ADGRL3: variants seen among roughly 807,000 people sequenced by gnomAD.
ADGRL3 encodes calcium-independent alpha-latrotoxin receptor 3.
ADGRL3 carries 62 observed loss-of-function variants against 153.5 expected under a neutral mutation model. That is an observed-to-expected ratio of 0.40 (90% CI 0.33 to 0.50). The LOEUF (loss-of-function observed/expected upper bound fraction) is 0.50, where lower values mean the gene tolerates loss of function less well. ADGRL3 is among the 20% of genes least tolerant of loss of function. The pLI is 0.47. For synonymous variants in ADGRL3, 710 were observed against 672.5 expected, an observed-to-expected ratio of 1.06 and a Z score of -0.86; for missense variants, 1,641 against 1,859.4, an observed-to-expected ratio of 0.88 and a Z score of 2.16.
chr4:61,743,244 C>G (rs539171226), intron 8 of ADGRL3, among the ~76,000 whole-genome samples: 1 of 146,678 alleles, frequency 6.8e-6, no homozygotes, highest in Non-Finnish European at 1.5e-5. Context: ...GGTGTGAACC[C>G]AGGAGGCGGA....
At chr4:61,325,291 A>G (rs1389847354) in intron 1 of ADGRL3, among the ~76,000 whole-genome samples, 3 of 152,146 alleles carry the variant, frequency 2.0e-5, no homozygotes, top group Non-Finnish European at 4.4e-5. Context: ...CAGCCTGGCG[A>G]CAGTGAGAGA....
At chr4:61,429,009 T>A (rs1469640535) in intron 2 of ADGRL3, among the ~76,000 whole-genome samples, 1 of 151,840 alleles carries the variant, frequency 6.6e-6, no homozygotes, top group Non-Finnish European at 1.5e-5. Flanking sequence ...CATTTTTCAT[T>A]GAAATAATCT....
chr4:61,593,328 G>A (rs1383624383), intron 5 of ADGRL3, among the ~76,000 whole-genome samples: 2 of 151,968 alleles, frequency 1.3e-5, no homozygotes, highest in Non-Finnish European at 2.9e-5. Context: ...TTTTTCTTTG[G>A]CCTACTGTTA....
intron 22 of ADGRL3, 87 bp from the exon 23 acceptor site, chr4:62,031,355 T>G: frequency 9.0e-7 from 1 of 1,113,264 alleles, no homozygotes; most frequent in South Asian, 2.1e-5. Context: ...CTGTAACATT[T>G]TTTTCAGTGT....
intron 5 of ADGRL3, among the ~76,000 whole-genome samples, chr4:61,590,801 G>A (rs929624931): frequency 2.6e-5 from 4 of 152,136 alleles, no homozygotes; most frequent in African/African-American, 9.7e-5. Context: ...GGCAGCATTA[G>A]TGGAACCAGA....
chr4:61,620,634 C>CTTTTTT lies in ADGRL3; in HGVS notation c.473+33214_473+33219dup, dbSNP rs71664993. Among the ~76,000 whole-genome samples the CTTTTTT allele has an allele frequency of 1.5e-3, 107 of 69,718 alleles. 1 individual carries two copies. Among genetic ancestry groups the CTTTTTT allele is most frequent in the South Asian group, 2.0e-3 (3 of 1,478 alleles). 45.7% of individuals were successfully genotyped at this position (69,718 alleles called of 152,430 possible). ...ATGGTATATATAGTGTAAATTGTGA[C>CTTTTTT]TTTTTTTTTTTTTTTTTTTTTTTTT... On this transcript the variant is annotated intron_variant, in intron 5 of 26. Coordinates refer to ENST00000683033, the MANE Select transcript of ADGRL3 (RefSeq NM_001387552.1).
intron 1 of ADGRL3, among the ~76,000 whole-genome samples, chr4:61,249,540 C>A (rs1339572611): frequency 7.7e-6 from 1 of 129,916 alleles, no homozygotes; most frequent in African/African-American, 2.9e-5. Flanking sequence ...TTCCATATTG[C>A]ATGAAGGAAA....
intron 2 of ADGRL3, among the ~76,000 whole-genome samples, chr4:61,459,867 A>G (rs984858200): frequency 9.9e-5 from 15 of 152,008 alleles, no homozygotes; most frequent in African/African-American, 2.4e-4. Flanking sequence ...TTTGTAATGT[A>G]TCTGTTGGTC....
chr4:61,882,210 G>A (rs1182264661), intron 9 of ADGRL3, among the ~76,000 whole-genome samples: 1 of 152,140 alleles, frequency 6.6e-6, no homozygotes, highest in African/African-American at 2.4e-5. Context: ...AGAAGAATTT[G>A]TATAAGAAGG....
At chr4:61,692,975 C>G (rs1010667079) in intron 6 of ADGRL3, among the ~76,000 whole-genome samples, 4 of 152,000 alleles carry the variant, frequency 2.6e-5, no homozygotes, top group African/African-American at 9.7e-5. Flanking sequence ...TCTTCATGTT[C>G]CTAAACAAAC....
At chr4:61,750,997 G>T (rs1322088978) in intron 8 of ADGRL3, among the ~76,000 whole-genome samples, 1 of 152,112 alleles carries the variant, frequency 6.6e-6, no homozygotes, top group African/African-American at 2.4e-5. Context: ...TGAGCAGCAG[G>T]TGAGCGAGCA....
At chr4:61,721,103 C>T (rs2151638381) in intron 6 of ADGRL3, among the ~76,000 whole-genome samples, 1 of 152,178 alleles carries the variant, frequency 6.6e-6, no homozygotes, top group African/African-American at 2.4e-5. Context: ...AGGAGGAATT[C>T]CACAGATTAC....
chr4:61,896,853 A>T (rs928858426), intron 11 of ADGRL3, among the ~76,000 whole-genome samples: 5 of 152,192 alleles, frequency 3.3e-5, no homozygotes, highest in African/African-American at 1.2e-4. Flanking sequence ...CTGGGCAAAT[A>T]ACTCTTGCTG....
At chr4:61,510,402 G>A (rs2098457224) in intron 3 of ADGRL3, among the ~76,000 whole-genome samples, 1 of 152,074 alleles carries the variant, frequency 6.6e-6, no homozygotes, top group African/African-American at 2.4e-5. Flanking sequence ...CTCACATTTA[G>A]AATTTTAATC....
intron 2 of ADGRL3, among the ~76,000 whole-genome samples, chr4:61,399,617 A>C (rs1293329260): frequency 6.6e-6 from 1 of 151,694 alleles, no homozygotes; most frequent in African/African-American, 2.4e-5. Context: ...ATAATTTAAA[A>C]ATGTTAAATC....
At chr4:61,842,290 A>G (rs1229060686) in intron 9 of ADGRL3, among the ~76,000 whole-genome samples, 3 of 152,066 alleles carry the variant, frequency 2.0e-5, no homozygotes, top group Admixed American at 6.5e-5. Context: ...CACACCTTCT[A>G]TTTTCTCTCA....
chr4:61,694,699 A>G (rs2095608835), intron 6 of ADGRL3, among the ~76,000 whole-genome samples: 1 of 152,140 alleles, frequency 6.6e-6, no homozygotes, highest in African/African-American at 2.4e-5. Flanking sequence ...AGTTTGTCAC[A>G]TGGACTGACT....
At chr4:61,873,335 T>C (rs1369368868) in intron 9 of ADGRL3, among the ~76,000 whole-genome samples, 1 of 152,180 alleles carries the variant, frequency 6.6e-6, no homozygotes, top group Admixed American at 6.5e-5. Flanking sequence ...ACAATTTCTG[T>C]TTCTCTCTCC....
chr4:61,781,331 C>CAAAAA (rs71281828), intron 8 of ADGRL3, among the ~76,000 whole-genome samples: 8 of 64,338 alleles, frequency 1.2e-4, no homozygotes, highest in African/African-American at 3.3e-4. Flanking sequence ...ATTCTGCCTC[C>CAAAAA]AAAAAAAAAA....
Sources: gnomAD v4.1 joint callset for allele counts (sites outside exome capture counted in the v4.1 genomes callset) on GRCh38, gnomAD v4.1.1 for gene constraint, MANE v1.5 for transcripts, NCBI Gene and HGNC (gene_info 2026-07-23, HGNC 2026-07-21) for gene names.